Variants in PTTG1 observed in about 807,000 individuals in gnomAD.
The protein encoded by PTTG1 is securin.
In PTTG1, 8 loss-of-function variants were observed where a neutral mutation model predicts 20.0. The observed-to-expected ratio is 0.40, with a 90% CI of 0.23 to 0.72. The LOEUF (loss-of-function observed/expected upper bound fraction) is 0.72. Ranked by LOEUF, PTTG1 falls within the 30% of genes least tolerant of loss-of-function variation. PTTG1 has a pLI of 0.38. For synonymous variants in PTTG1, 79 were observed against 87.2 expected (o/e 0.91, Z 0.52); for missense variants, 197 against 236.0 (o/e 0.83, Z 1.08).
intron 2 of PTTG1, 47 bp from the exon 3 acceptor site, chr5:160,422,662 A>T (rs962241307): frequency 6.3e-7 from 1 of 1,596,056 alleles, no homozygotes. Flanking sequence ...TAAGTTGTAC[A>T]GGTATTTTGC....
rs904455284 is a variant in PTTG1, at chr5:160,424,392, G to A, written c.370+62G>A. ...CTTTAGTTTCTTAGTATTCAGCTCA[G>A]CTGTAACTTGTTATGAATATAATAT... On this transcript the variant is annotated intron_variant, in intron 4 of 5. Transcript: ENST00000352433. 5.9e-6 allele frequency: 7 copies of A among 1,192,804 alleles called. No individual in the cohort carries two copies. The Admixed American group carries it at 5.9e-5, about 10-fold the overall frequency. The allele number at this position is 1,192,804 out of a possible 1,614,324, so 73.9% of individuals were successfully genotyped here.
At chr5:160,428,501 G>C in intron 5 of PTTG1, 101 bp from the exon 6 acceptor site, 1 of 1,066,168 alleles carries the variant, frequency 9.4e-7, no homozygotes, top group Non-Finnish European at 1.4e-6. Context: ...ATTTGACAAA[G>C]GGAAAAACAT....
intron 4 of PTTG1, among the ~76,000 whole-genome samples, chr5:160,425,094 G>A (rs1482857687): frequency 6.6e-6 from 1 of 152,110 alleles, no homozygotes; most frequent in Non-Finnish European, 1.5e-5. Flanking sequence ...GATCAGGGAG[G>A]GCCTTACGGA....
Position 160,428,648 on chromosome 5 carries a change from A to C in PTTG1, c.576A>C (p.Glu192Asp). ...PSSILSTLDV[E>D]LPPVCCDIDI is the part of the protein sequence containing the mutation. The stretch of plus-strand genomic sequence containing the variant: ...GCATTCTGTCGACCCTGGATGTTGA[A>C]TTGCCACCTGTTTGCTGTGACATAG... Residue 192 changes from glutamate to aspartate, a missense_variant, in exon 6 of 6, where the codon GAA becomes GAC. Physicochemically the swap from Glu to Asp is conservative, Grantham distance 45. Transcript: ENST00000352433. The C allele has an allele frequency of 6.2e-7, 1 of 1,614,030 alleles. No homozygotes were observed. The highest frequency in any genetic ancestry group is 8.5e-7 in the Non-Finnish European group (1 of 1,179,906).
rs768658169 is a variant in PTTG1, at chr5:160,424,273, C to T, written c.313C>T (p.Pro105Ser). 2 of 1,612,826 alleles carry T rather than the reference C, an allele frequency of 1.2e-6. No individual in the cohort carries two copies. Among genetic ancestry groups the T allele is most frequent in the Admixed American group, 1.7e-5 (1 of 59,978 alleles). ...GACTGTTAAAGCAAAAAGCTCTGTT[C>T]CTGCCTCAGATGATGCCTATCCAGA... ...EKTVKAKSSV[P>S]ASDDAYPEIE... The change falls in exon 4 of 6, where the codon CCT becomes TCT. Residue 105 changes from proline (P) to serine (S), a missense_variant. Coordinates refer to ENST00000352433, the MANE Select transcript of PTTG1 (RefSeq NM_004219.4).
chr5:160,427,711 A>G lies in PTTG1; in HGVS notation c.371-4A>G. On this transcript the variant is annotated splice_region_variant and splice_polypyrimidine_tract_variant and intron_variant, in intron 4 of 5. Transcript: ENST00000352433. ...CTGACAAAAACGCTTTCTCTCTGTA[A>G]CAGACTTTGAGAGTTTTGACCTGCC... The G allele has an allele frequency of 6.2e-7, 1 of 1,613,724 alleles. No individual in the cohort carries two copies. The highest frequency in any genetic ancestry group is 8.5e-7 in the Non-Finnish European group (1 of 1,179,730).
Position 160,422,781 on chromosome 5 carries a change from C to T in PTTG1, c.164C>T (p.Ala55Val), listed in dbSNP as rs958721627. 6.2e-7 allele frequency: 1 copy of T among 1,614,150 alleles called. No homozygotes were observed. Among genetic ancestry groups the T allele is most frequent in the African/African-American group, 1.3e-5 (1 of 75,042 alleles). ...GGCAAAACGTTCGATGCCCCACCAG[C>T]CTTACCTAAAGCTACTAGAAAGGCT... ...RFGKTFDAPPALPKATRKALG... is the reference protein window; with the variant it reads ...RFGKTFDAPPVLPKATRKALG... The change falls in exon 3 of 6, where the codon GCC (alanine) becomes GTC (valine). Residue 55 changes from alanine (A) to valine (V), a missense_variant. Physicochemically the swap from Ala to Val is moderately conservative, Grantham distance 64. Transcript: ENST00000352433.
rs749569789 is a variant in PTTG1, at chr5:160,422,377, A to T, written c.65A>T (p.Asp22Val). 3 of 1,613,880 alleles carry T rather than the reference A, an allele frequency of 1.9e-6. No homozygotes were observed. Among genetic ancestry groups the T allele is most frequent in the South Asian group, 1.1e-5 (1 of 91,058 alleles). The stretch of plus-strand genomic sequence containing the variant: ...CCAGGCACCCGTGTGGTTGCTAAGG[A>T]TGGGCTGAAGCTGGGGTCTGGACCT... ...GEPGTRVVAK[D>V]GLKLGSGPSI... The change falls in exon 2 of 6, where the codon GAT (aspartate) becomes GTT (valine). Residue 22 changes from aspartate to valine, a missense_variant. By Grantham distance (152) the Asp-to-Val change is radical (BLOSUM62 -3). Coordinates refer to ENST00000352433, the MANE Select transcript of PTTG1 (RefSeq NM_004219.4).
At chr5:160,424,370 T>C (rs754386179) in intron 4 of PTTG1, 40 bp downstream of exon 4, 3 of 1,378,382 alleles carry the variant, frequency 2.2e-6, no homozygotes, top group South Asian at 1.2e-5. Flanking sequence ...TTTTGGCCTT[T>C]AGTTTCTTAG....
rs896135688 is a variant in PTTG1, at chr5:160,427,815, G to T, written c.471G>T (p.Lys157Asn). ...TTGACGAGGAGAGAGAGCTTGAAAA[G>T]CTGTTTCAGCTGGGCCCCCCTTCAC... Reference protein sequence around the residue: ...MILDEERELEKLFQLGPPSPV... With the variant: ...MILDEERELENLFQLGPPSPV... Residue 157 changes from lysine (K) to asparagine (N), a missense_variant, in exon 5 of 6, where the codon AAG becomes AAT. By Grantham distance (94) the Lys-to-Asn change is moderately conservative. Transcript: ENST00000352433. 4 of 1,614,038 alleles carry T rather than the reference G, an allele frequency of 2.5e-6. No homozygotes were observed. Among genetic ancestry groups the T allele is most frequent in the Admixed American group, 3.3e-5 (2 of 60,000 alleles).
intron 4 of PTTG1, among the ~76,000 whole-genome samples, chr5:160,426,503 G>A (rs1165298964): frequency 2.0e-5 from 3 of 152,154 alleles, no homozygotes; most frequent in South Asian, 2.1e-4. Context: ...ATCTGAAACC[G>A]TATCAATGAG....
chr5:160,422,224 G>A, intron 1 of PTTG1, 78 bp from the exon 2 acceptor site: 1 of 1,046,174 alleles, frequency 9.6e-7, no homozygotes, highest in Non-Finnish European at 1.5e-6. Context: ...ACACTCCTAG[G>A]ATAGAAAGTT....
Position 160,428,730 on chromosome 5 carries a change from CT to C in PTTG1, c.*52del. The C allele has an allele frequency of 6.6e-7, 1 of 1,513,066 alleles. No individual in the cohort carries two copies. Among genetic ancestry groups the C allele is most frequent in the Non-Finnish European group, 9.2e-7 (1 of 1,090,604 alleles). The allele number at this position is 1,513,066 out of a possible 1,614,324, so 93.7% of individuals were successfully genotyped here. ...TGTGTATTTGTATTAATAAAGCATT[CT>C]TTAACAGATTCTTCCTAGTATTGTG... On this transcript the variant is annotated 3_prime_UTR_variant, in exon 6 of 6. Coordinates refer to ENST00000352433, the MANE Select transcript of PTTG1 (RefSeq NM_004219.4).
Position 160,422,890 on chromosome 5 carries a change from A to G in PTTG1, c.273A>G (p.Lys91=). 6.2e-7 allele frequency: 1 copy of G among 1,614,082 alleles called. No homozygotes were observed. Among genetic ancestry groups the G allele is most frequent in the South Asian group, 1.1e-5 (1 of 91,078 alleles). Residue 91 remains lysine, a synonymous_variant, in exon 3 of 6, where the codon AAA becomes AAG. Transcript: ENST00000352433. ...LKQKQPSFSA[K]KMTEKTVKAK... is the part of the protein sequence containing the mutation. ...AAAAACAGCCAAGCTTTTCTGCCAA[A>G]AAGGTAAGTGTTGGCTATAAAGACA...
intron 1 of PTTG1, 172 bp downstream of exon 1, chr5:160,422,063 G>T: frequency 2.7e-6 from 1 of 375,014 alleles, no homozygotes; most frequent in Non-Finnish European, 4.9e-6. Flanking sequence ...CTGGACCAAC[G>T]GCAACTGTCT....
intron 5 of PTTG1, among the ~76,000 whole-genome samples, 189 bp from the exon 6 acceptor site, chr5:160,428,413 C>T (rs1404644251): frequency 1.4e-4 from 22 of 152,194 alleles, no homozygotes; most frequent in Admixed American, 1.4e-3. Context: ...ACTTCTAAAA[C>T]TTACTTCCTA....
At chr5:160,422,246 T>C in intron 1 of PTTG1, 56 bp from the exon 2 acceptor site, 1 of 1,300,148 alleles carries the variant, frequency 7.7e-7, no homozygotes, top group South Asian at 1.2e-5. Flanking sequence ...GGTATGTTGC[T>C]ATACCTTTGC....
intron 4 of PTTG1, among the ~76,000 whole-genome samples, chr5:160,426,272 G>T (rs1263744166): frequency 2.0e-5 from 3 of 152,004 alleles, no homozygotes; most frequent in East Asian, 1.9e-4. Context: ...GAATGGCATG[G>T]TTTATATTTT....
rs1403480643 is a variant in PTTG1, at chr5:160,424,289, C to G, written c.329C>G (p.Ala110Gly). ...AKSSVPASDD[A>G]YPEIEKFFPF... is the part of the protein sequence containing the mutation. ...AGCTCTGTTCCTGCCTCAGATGATGCCTATCCAGAAATAGAAAAATTCTTT... is the reference window on the plus strand; with the variant it reads ...AGCTCTGTTCCTGCCTCAGATGATGGCTATCCAGAAATAGAAAAATTCTTT... Residue 110 changes from alanine (A) to glycine (G), a missense_variant, in exon 4 of 6, where the codon GCC (alanine) becomes GGC (glycine). By Grantham distance (60) the Ala-to-Gly change is moderately conservative. Coordinates refer to ENST00000352433, the MANE Select transcript of PTTG1 (RefSeq NM_004219.4). 6.2e-7 allele frequency: 1 copy of G among 1,612,450 alleles called. No homozygotes were observed. Among genetic ancestry groups the G allele is most frequent in the Non-Finnish European group, 8.5e-7 (1 of 1,178,738 alleles).
Sources: allele counts gnomAD v4.1 joint callset (sites outside exome capture counted in the v4.1 genomes callset), GRCh38; gene constraint gnomAD v4.1.1; transcripts MANE v1.5; gene names NCBI Gene and HGNC (gene_info 2026-07-23, HGNC 2026-07-21).